Variants in SUSD1 observed in about 807,000 individuals in gnomAD.
The protein encoded by SUSD1 is sushi domain containing 1.
Under a neutral mutation model 86.9 loss-of-function variants are expected in SUSD1, and 65 were observed. The ratio of observed to expected loss-of-function variants is 0.75; its 90% CI spans 0.61 to 0.92. The LOEUF is 0.92. SUSD1 is among the 40% of genes least tolerant of loss of function. The pLI, the probability that SUSD1 is intolerant of heterozygous loss-of-function variation, is 0.00. For synonymous variants in SUSD1, 346 were observed against 350.0 expected (o/e 0.99, Z 0.13); for missense variants, 850 against 929.7 (o/e 0.91, Z 1.11).
At chr9:112,158,729 C>T (rs533198177) in intron 1 of SUSD1, among the ~76,000 whole-genome samples, 9 of 152,204 alleles carry the variant, frequency 5.9e-5, no homozygotes, top group African/African-American at 1.9e-4. Flanking sequence ...ATGCATCTTC[C>T]TCTGTGCTCC....
At chr9:112,073,196 T>G (rs1457568967) in intron 12 of SUSD1, among the ~76,000 whole-genome samples, 1 of 152,246 alleles carries the variant, frequency 6.6e-6, no homozygotes, top group African/African-American at 2.4e-5. Context: ...CTCCTGTGTT[T>G]TCTGTTGTTT....
At chr9:112,071,030 G>C (rs1829245508) in intron 12 of SUSD1, among the ~76,000 whole-genome samples, 1 of 152,122 alleles carries the variant, frequency 6.6e-6, no homozygotes, top group Non-Finnish European at 1.5e-5. Flanking sequence ...TGTCGCCCAG[G>C]CTGGGGTGCA....
rs932249089 is a variant in SUSD1, at chr9:112,095,713, G to C, written c.1474+2757C>G. On this transcript the variant is annotated intron_variant, in intron 10 of 16. Coordinates refer to ENST00000374270, the MANE Select transcript of SUSD1 (RefSeq NM_022486.5). ...GGAGTCCAGAACTAAAACAATTTGG[G>C]GGATCTTTCTGGGTTTAGAGAAATT... Among the ~76,000 whole-genome samples the C allele has an allele frequency of 2.0e-5, 3 of 152,274 alleles. No homozygotes were observed. In the South Asian group the frequency reaches 6.2e-4, roughly 32 times the overall value.
At chr9:112,076,422 T>G (rs1014900449) in intron 12 of SUSD1, among the ~76,000 whole-genome samples, 2 of 152,186 alleles carry the variant, frequency 1.3e-5, no homozygotes, top group Non-Finnish European at 2.9e-5. Context: ...TTAGGACTTG[T>G]TTTTGGTCTG....
intron 10 of SUSD1, among the ~76,000 whole-genome samples, chr9:112,091,627 A>T (rs1830209587): frequency 6.6e-6 from 1 of 152,236 alleles, no homozygotes; most frequent in Admixed American, 6.5e-5. Flanking sequence ...CTATATAGAC[A>T]GTTGGCTTTG....
intron 5 of SUSD1, among the ~76,000 whole-genome samples, chr9:112,127,950 G>A (rs1213859173): frequency 6.6e-6 from 1 of 152,026 alleles, no homozygotes; most frequent in East Asian, 1.9e-4. Context: ...CCACAGGCAT[G>A]TACCACCATG....
chr9:112,168,326 G>A (rs1463168391), intron 1 of SUSD1, among the ~76,000 whole-genome samples: 2 of 152,220 alleles, frequency 1.3e-5, no homozygotes, highest in African/African-American at 4.8e-5. Flanking sequence ...TCTACCCATT[G>A]ATGGGCTGAT....
intron 14 of SUSD1, among the ~76,000 whole-genome samples, chr9:112,056,947 C>A (rs905115361): frequency 6.6e-6 from 1 of 152,170 alleles, no homozygotes; most frequent in Non-Finnish European, 1.5e-5. Flanking sequence ...AATGTCTATG[C>A]CCCTTGCTCA....
intron 8 of SUSD1, among the ~76,000 whole-genome samples, chr9:112,108,419 T>C (rs1830936798): frequency 6.6e-6 from 1 of 151,130 alleles, no homozygotes; most frequent in Non-Finnish European, 1.5e-5. Context: ...TATAACCAAT[T>C]TAACAGAAAT....
chr9:112,154,538 A>AG (rs1400414952), intron 2 of SUSD1, among the ~76,000 whole-genome samples: 1 of 152,000 alleles, frequency 6.6e-6, no homozygotes, highest in African/African-American at 2.4e-5. Context: ...AACAAAAAAA[A>AG]CTATCTTTGG....
intron 2 of SUSD1, among the ~76,000 whole-genome samples, chr9:112,152,751 C>CTTTTTTTTTTTTTTTTTTTTTTTTTTT (rs71382410): frequency 1.1e-4 from 10 of 87,478 alleles, no homozygotes; most frequent in East Asian, 3.5e-4. Context: ...TTTTTTTAAT[C>CTTTTTTTTTTTTTTTTTTTTTTTTTTT]TTTTTTTTTT....
chr9:112,059,749 G>A lies in SUSD1; in HGVS notation c.1851-1063C>T, dbSNP rs1013982686. On this transcript the variant is annotated intron_variant, in intron 13 of 16. Coordinates refer to ENST00000374270, the MANE Select transcript of SUSD1 (RefSeq NM_022486.5). ...ATAGAAAGCCTGGCAGTGAAAGGAC[G>A]TGTGAGAATAAAAATGCACTGAGAA... Among the ~76,000 whole-genome samples the A allele has an allele frequency of 2.6e-5, 4 of 152,176 alleles. No individual in the cohort carries two copies. In the South Asian group the frequency reaches 6.2e-4, roughly 24 times the overall value.
intron 10 of SUSD1, among the ~76,000 whole-genome samples, chr9:112,082,569 G>A (rs187718770): frequency 4.9e-4 from 74 of 152,254 alleles, no homozygotes; most frequent in African/African-American, 1.7e-3. Context: ...AAACTGGAAA[G>A]GGCGTGGAAA....
At chr9:112,052,789 T>C (rs765099930) in intron 14 of SUSD1, among the ~76,000 whole-genome samples, 1 of 152,206 alleles carries the variant, frequency 6.6e-6, no homozygotes, top group Non-Finnish European at 1.5e-5. Context: ...AAAAGGATTC[T>C]GAGGTCACAC....
At chr9:112,150,588 A>G (rs1184265381) in intron 2 of SUSD1, among the ~76,000 whole-genome samples, 1 of 152,196 alleles carries the variant, frequency 6.6e-6, no homozygotes, top group Non-Finnish European at 1.5e-5. Flanking sequence ...AGGCAAGTTC[A>G]TGATTGTGGG....
At chr9:112,138,738 G>C (rs1440559706) in intron 5 of SUSD1, among the ~76,000 whole-genome samples, 2 of 152,266 alleles carry the variant, frequency 1.3e-5, no homozygotes, top group Non-Finnish European at 2.9e-5. Flanking sequence ...GTGAGCCACT[G>C]TGCCTGGCCT....
At chr9:112,088,948 A>C (rs139919180) in intron 10 of SUSD1, among the ~76,000 whole-genome samples, 1 of 152,318 alleles carries the variant, frequency 6.6e-6, no homozygotes, top group East Asian at 1.9e-4. Flanking sequence ...CTCTACAAAA[A>C]GTTTTAAAAT....
chr9:112,149,208 G>T, intron 3 of SUSD1, 36 bp downstream of exon 3: 1 of 1,609,788 alleles, frequency 6.2e-7, no homozygotes, highest in South Asian at 1.1e-5. Context: ...TCCTGCCATC[G>T]CCAATTGTCA....
At chr9:112,168,269 A>G (rs1833905349) in intron 1 of SUSD1, among the ~76,000 whole-genome samples, 1 of 152,234 alleles carries the variant, frequency 6.6e-6, no homozygotes, top group South Asian at 2.1e-4. Flanking sequence ...TGACAGAGAA[A>G]TGCACTGATG....
Sources: gnomAD v4.1 joint callset for allele counts (sites outside exome capture counted in the v4.1 genomes callset) on GRCh38, gnomAD v4.1.1 for gene constraint, MANE v1.5 for transcripts, NCBI Gene and HGNC (gene_info 2026-07-23, HGNC 2026-07-21) for gene names.